TRPC5: variants seen among roughly 807,000 people sequenced by gnomAD.
TRPC5 encodes transient receptor potential cation channel subfamily C member 5.
TRPC5 carries 9 observed loss-of-function variants against 56.5 expected under a neutral mutation model. The observed-to-expected ratio is 0.16, with a 90% confidence interval of 0.10 to 0.28. The LOEUF (loss-of-function observed/expected upper bound fraction) is 0.28. Among genes scored for constraint, TRPC5 ranks in the 10% least tolerant of loss-of-function variants. TRPC5 has a pLI of 1.00. For missense variants in TRPC5, 469 were observed against 748.9 expected (o/e 0.63, Z 4.36); for synonymous variants, 282 against 278.5 (o/e 1.01, Z -0.13).
At chrX:112,019,162 GAGA>G (rs1929203026) in intron 1 of TRPC5, among the ~76,000 whole-genome samples, 1 of 112,267 alleles carries the variant, frequency 8.9e-6, no homozygotes, top group Admixed American at 9.4e-5. Context: ...GAATAACTGG[GAGA>G]AGGTGTATAT....
chrX:111,848,325 T>G (rs1268729720), intron 5 of TRPC5, among the ~76,000 whole-genome samples: 1 of 111,560 alleles, frequency 9.0e-6, no homozygotes. Flanking sequence ...CATTGTCACT[T>G]AAAACTGCCT....
At chrX:112,010,856 C>A (rs1928974736) in intron 1 of TRPC5, among the ~76,000 whole-genome samples, 1 of 111,300 alleles carries the variant, frequency 9.0e-6, no homozygotes, top group Admixed American at 9.5e-5. Context: ...TAGTGCCTGG[C>A]ACATGGAAAC....
chrX:112,068,932 C>T (rs990557862), intron 1 of TRPC5, among the ~76,000 whole-genome samples: 2 of 111,722 alleles, frequency 1.8e-5, no homozygotes, highest in African/African-American at 6.5e-5. Flanking sequence ...CCAAGTCTAC[C>T]TTAAACTGAG....
In TRPC5 at chrX:111,775,989, G is replaced by C. The variant is rs1415335957; in HGVS notation, c.*324C>G. 1 of 171,069 alleles carries C rather than the reference G, an allele frequency of 5.8e-6. No homozygotes were observed. Among genetic ancestry groups the C allele is most frequent in the Admixed American group, 7.6e-5 (1 of 13,182 alleles). The allele number at this position is 171,069 out of a possible 1,213,427, so 14.1% of individuals were successfully genotyped here. A position where few individuals can be genotyped will look rare whatever the true frequency, so the allele number is the denominator to read the frequency against. ...ACAAGACCAGCAAAGTGGCACCTGG[G>C]GCTTCAAGGAAGCATGGGTGAGAAA... On this transcript the variant is annotated 3_prime_UTR_variant, in exon 11 of 11. Transcript: ENST00000262839.
chrX:112,036,170 A>G (rs976674339), intron 1 of TRPC5, among the ~76,000 whole-genome samples: 1 of 111,468 alleles, frequency 9.0e-6, no homozygotes, highest in Non-Finnish European at 1.9e-5. Context: ...CCCAGTATAC[A>G]TGGGTGATTT....
chrX:111,866,134 G>A (rs188673295), intron 3 of TRPC5, among the ~76,000 whole-genome samples: 192 of 113,600 alleles, frequency 1.7e-3, no homozygotes, highest in Middle Eastern at 0.014. Context: ...ACAATCCATG[G>A]ATGGTATGAT....
intron 7 of TRPC5, among the ~76,000 whole-genome samples, chrX:111,818,209 T>A (rs769777137): frequency 3.5e-4 from 39 of 112,315 alleles, no homozygotes; most frequent in Non-Finnish European, 5.8e-4. Context: ...TTTCAATTAT[T>A]TTTTTCCTAA....
intron 7 of TRPC5, among the ~76,000 whole-genome samples, chrX:111,802,357 T>C (rs979731841): frequency 9.0e-6 from 1 of 111,595 alleles, no homozygotes; most frequent in South Asian, 3.7e-4. Flanking sequence ...GGGTCTCTTA[T>C]ATTTGTATAT....
rs190779474 is a variant in TRPC5, at chrX:112,017,302, C to T, written c.-22+64577G>A. Among the ~76,000 whole-genome samples, 804 of 111,111 alleles carry T rather than the reference C, an allele frequency of 7.2e-3. 7 individuals carry two copies. Among genetic ancestry groups the T allele is most frequent in the African/African-American group, 0.025 (749 of 30,531 alleles). On this transcript the variant is annotated intron_variant, in intron 1 of 10. Transcript: ENST00000262839. The stretch of plus-strand genomic sequence containing the variant: ...TGCTGGGATTACAGGTGTGAGCCAC[C>T]GCGCCCAGCCACGATTATTACTACT...
intron 1 of TRPC5, among the ~76,000 whole-genome samples, chrX:112,007,536 G>A (rs754288912): frequency 9.0e-6 from 1 of 111,611 alleles, no homozygotes; most frequent in Non-Finnish European, 1.9e-5. Context: ...AGAGCACACA[G>A]CAATCAATTC....
At chrX:111,928,326 G>T (rs1461531002) in intron 2 of TRPC5, among the ~76,000 whole-genome samples, 1 of 111,841 alleles carries the variant, frequency 8.9e-6, no homozygotes, top group African/African-American at 3.3e-5. Flanking sequence ...TGCTCATCAT[G>T]TTAACATCAT....
chrX:112,041,542 C>T (rs149075707), intron 1 of TRPC5, among the ~76,000 whole-genome samples: 2,630 of 111,571 alleles, frequency 0.024, 88 homozygotes, highest in African/African-American at 0.082. Context: ...TGCCCAAGCT[C>T]ACACAGTTAA....
chrX:112,041,121 A>G (rs765628136), intron 1 of TRPC5, among the ~76,000 whole-genome samples: 49 of 111,728 alleles, frequency 4.4e-4, no homozygotes, highest in African/African-American at 1.6e-3. Flanking sequence ...AGTTGGCAAA[A>G]CAAGTTTGGA....
At chrX:112,048,555 C>A (rs775425285) in intron 1 of TRPC5, among the ~76,000 whole-genome samples, 1 of 110,395 alleles carries the variant, frequency 9.1e-6, no homozygotes, top group Non-Finnish European at 1.9e-5. Flanking sequence ...GTATGATAAC[C>A]CTAACCATAT....
At chrX:111,853,511 A>T (rs1227624680) in intron 4 of TRPC5, among the ~76,000 whole-genome samples, 1 of 111,987 alleles carries the variant, frequency 8.9e-6, no homozygotes, top group African/African-American at 3.2e-5. Context: ...CTCTAGACTA[A>T]CTGACAGACA....
intron 1 of TRPC5, among the ~76,000 whole-genome samples, chrX:112,058,915 A>G (rs1424690050): frequency 9.0e-6 from 1 of 111,524 alleles, no homozygotes; most frequent in East Asian, 2.8e-4. Context: ...AACTAAGTAC[A>G]GAAAAGTTAA....
chrX:111,905,699 G>C lies in TRPC5; in HGVS notation c.900+6592C>G, dbSNP rs182748356. 8.9e-3 allele frequency among the ~76,000 whole-genome samples: 965 copies of C among 108,807 alleles called. 14 individuals carry two copies. Among genetic ancestry groups the C allele is most frequent in the African/African-American group, 0.031 (927 of 29,736 alleles). The allele number at this position is 108,807 out of a possible 115,157, so 94.5% of individuals were successfully genotyped here. Reference sequence around the variant, plus strand: ...GGAGGCCAAGGCAAGTGGATCACGAGGTCAGGAGATGGAGACCATCCTGGC... The same window carrying C: ...GGAGGCCAAGGCAAGTGGATCACGACGTCAGGAGATGGAGACCATCCTGGC... On this transcript the variant is annotated intron_variant, in intron 3 of 10. Transcript: ENST00000262839.
At chrX:112,075,121 A>C (rs765032405) in intron 1 of TRPC5, among the ~76,000 whole-genome samples, 1 of 112,704 alleles carries the variant, frequency 8.9e-6, no homozygotes, top group African/African-American at 3.2e-5. Context: ...AGCTACTAAA[A>C]AAATTTCTGG....
chrX:112,019,147 G>A (rs1929202599), intron 1 of TRPC5, among the ~76,000 whole-genome samples: 1 of 112,233 alleles, frequency 8.9e-6, no homozygotes, highest in Admixed American at 9.4e-5. Flanking sequence ...GATTGGTGTT[G>A]GATTGAATAA....
Sources: gnomAD v4.1 joint callset for allele counts (sites outside exome capture counted in the v4.1 genomes callset) on GRCh38, gnomAD v4.1.1 for gene constraint, MANE v1.5 for transcripts, NCBI Gene and HGNC (gene_info 2026-07-23, HGNC 2026-07-21) for gene names.